The following HIVEP1 variants were observed in gnomAD, a reference collection of about 807,000 sequenced individuals.
HIVEP1 encodes HIVEP zinc finger 1, also known as zinc finger protein 40.
A neutral mutation model predicts 180.0 loss-of-function variants in HIVEP1; 36 were observed. The ratio of observed to expected loss-of-function variants is 0.20; its 90% CI spans 0.15 to 0.26. The LOEUF (loss-of-function observed/expected upper bound fraction) is 0.26, where lower values mean the gene tolerates loss of function less well. Ranked by LOEUF, HIVEP1 falls within the 10% of genes least tolerant of loss-of-function variation. The pLI is 1.00. For synonymous variants in HIVEP1, 1,239 were observed against 1,239.0 expected (o/e 1.00, Z 0.00); for missense variants, 3,143 against 3,268.7 (o/e 0.96, Z 0.94).
rs751180621 is a variant in HIVEP1, at chr6:12,123,583, C to T, written c.3788C>T (p.Pro1263Leu). The T allele has an allele frequency of 5.0e-6, 8 of 1,613,896 alleles. No homozygotes were observed. The highest frequency in any genetic ancestry group is 6.8e-6 in the Non-Finnish European group (8 of 1,180,016). Residue 1263 changes from proline (P) to leucine (L), a missense_variant, in exon 4 of 9, where the codon CCC (proline) becomes CTC (leucine). Physicochemically the swap from Pro to Leu is moderately conservative, Grantham distance 98. This residue lies in a region of HIVEP1 where 1,357 missense variants were observed against 1,260.5 expected (regional missense o/e 1.08). Transcript: ENST00000379388. ...DQEKSEKFSW[P>L]QRSETLSKLP... ...GAAAAGTCAGAGAAGTTCAGTTGGC[C>T]CCAGCGTAGTGAAACCTTGTCAAAA...
intron 3 of HIVEP1, among the ~76,000 whole-genome samples, chr6:12,104,755 C>G (rs11753592): frequency 2.0e-5 from 3 of 152,034 alleles, no homozygotes; most frequent in African/African-American, 4.8e-5. Flanking sequence ...TTCAGTTGTT[C>G]TAATCTAAAT....
chr6:12,162,539 G>C (rs1381338255), intron 8 of HIVEP1, among the ~76,000 whole-genome samples: 1 of 152,228 alleles, frequency 6.6e-6, no homozygotes, highest in Non-Finnish European at 1.5e-5. Flanking sequence ...CATGTGCTGT[G>C]AGTGAGTCCC....
At chr6:12,140,788 A>G (rs1430562044) in intron 7 of HIVEP1, among the ~76,000 whole-genome samples, 3 of 152,252 alleles carry the variant, frequency 2.0e-5, no homozygotes, top group Non-Finnish European at 2.9e-5. Context: ...GATCAAATTA[A>G]TGAAATAAAG....
chr6:12,137,848 C>T (rs1409201180), intron 7 of HIVEP1, among the ~76,000 whole-genome samples: 2 of 152,154 alleles, frequency 1.3e-5, no homozygotes, highest in Non-Finnish European at 2.9e-5. Context: ...GCTTTTAAAA[C>T]ATATTTGGAG....
chr6:12,203,923 A>C, the HIVEP1 span, among the ~76,000 whole-genome samples: 2 of 152,242 alleles, frequency 1.3e-5, no homozygotes, highest in Admixed American at 6.5e-5. Context: ...CTTAAAATAC[A>C]AAAATTAGCT....
intron 2 of HIVEP1, among the ~76,000 whole-genome samples, chr6:12,049,989 C>T (rs1232011845): frequency 6.6e-6 from 1 of 152,122 alleles, no homozygotes; most frequent in Non-Finnish European, 1.5e-5. Context: ...TATGGGCTCT[C>T]TGGAGCATAT....
intron 2 of HIVEP1, chr6:12,037,635 G>A (rs1215293777): frequency 5.1e-6 from 2 of 393,384 alleles, no homozygotes; most frequent in Non-Finnish European, 9.0e-6. Flanking sequence ...AGCAGTGAGT[G>A]TTTTCCTGTT....
chr6:12,173,777 T>A, the HIVEP1 span, among the ~76,000 whole-genome samples: 2 of 152,214 alleles, frequency 1.3e-5, no homozygotes, highest in African/African-American at 4.8e-5. Context: ...TATGTTTAGC[T>A]AGCTACCTAT....
intron 5 of HIVEP1, 53 bp from the exon 6 acceptor site, chr6:12,130,714 T>C (rs752048479): frequency 1.0e-6 from 1 of 994,438 alleles, no homozygotes; most frequent in Non-Finnish European, 1.5e-6. Context: ...CATCAATATT[T>C]TCTCAGAGGC....
intron 7 of HIVEP1, among the ~76,000 whole-genome samples, chr6:12,159,629 T>C (rs1172178931): frequency 6.6e-6 from 1 of 152,180 alleles, no homozygotes; most frequent in African/African-American, 2.4e-5. Context: ...GAGAAGTAGC[T>C]GAGGTGCAGG....
At chr6:12,079,982 C>CTATATT (rs1561920254) in intron 2 of HIVEP1, among the ~76,000 whole-genome samples, 89 of 131,950 alleles carry the variant, frequency 6.7e-4, no homozygotes, top group South Asian at 5.0e-3. Flanking sequence ...CTATCTATAT[C>CTATATT]TGGTCTTTGA....
Position 12,120,031 on chromosome 6 carries a change from CAGA to C in HIVEP1, c.240_242del (p.Glu81del). On this transcript the variant is annotated inframe_deletion, in exon 4 of 9. Coordinates refer to ENST00000379388, the MANE Select transcript of HIVEP1 (RefSeq NM_002114.4). ...CTTCAGGCAAAACATAAACAAAATA[CAGA>C]AGAGTCATCTTTCGCCGTTCTTCAT... 6.2e-7 allele frequency: 1 copy of C among 1,612,892 alleles called. No individual in the cohort carries two copies. The highest frequency in any genetic ancestry group is 8.5e-7 in the Non-Finnish European group (1 of 1,179,662).
chr6:12,193,604 G>A, the HIVEP1 span, among the ~76,000 whole-genome samples: 3 of 139,550 alleles, frequency 2.1e-5, no homozygotes, highest in Non-Finnish European at 3.2e-5. Context: ...TTATTAATGA[G>A]ATCAAACATC....
intron 2 of HIVEP1, among the ~76,000 whole-genome samples, chr6:12,048,919 C>A (rs961722689): frequency 6.6e-6 from 1 of 152,148 alleles, no homozygotes; most frequent in African/African-American, 2.4e-5. Flanking sequence ...CTACTGGGCA[C>A]ACTGGCTGCT....
rs750469158 is a variant in HIVEP1, at chr6:12,123,112, C to G, written c.3317C>G (p.Pro1106Arg). The G allele has an allele frequency of 6.2e-7, 1 of 1,614,112 alleles. No homozygotes were observed. Among genetic ancestry groups the G allele is most frequent in the Non-Finnish European group, 8.5e-7 (1 of 1,180,010 alleles). Reference sequence around the variant, plus strand: ...AGGGGCCCTGAGCAGACCATGGATCCCAAGCTGTCGACCATCATGGAACAA... The same window carrying G: ...AGGGGCCCTGAGCAGACCATGGATCGCAAGCTGTCGACCATCATGGAACAA... ...VARGPEQTMD[P>R]KLSTIMEQQI... The change falls in exon 4 of 9, where the codon CCC becomes CGC. Residue 1106 changes from proline (P) to arginine (R), a missense_variant. Pro to Arg is a moderately radical substitution (Grantham distance 103). Transcript: ENST00000379388.
Position 12,063,785 on chromosome 6 carries a change from A to G in HIVEP1, c.41-25399A>G, listed in dbSNP as rs7749026. Among the ~76,000 whole-genome samples the G allele has an allele frequency of 0.43, 65,409 of 151,998 alleles. 14,113 individuals are homozygous for G. The highest frequency in any genetic ancestry group is 0.5 in the African/African-American group (20,782 of 41,446). Reference sequence around the variant, plus strand: ...GCAAGACTGACTCTCCAACCAAGTGAAACCTCTTGTGTACCAGCTTCACCA... The same window carrying G: ...GCAAGACTGACTCTCCAACCAAGTGGAACCTCTTGTGTACCAGCTTCACCA... On this transcript the variant is annotated intron_variant, in intron 2 of 8. Coordinates refer to ENST00000379388, the MANE Select transcript of HIVEP1 (RefSeq NM_002114.4). The surrounding 1 kb of genome is among the most constrained non-coding windows in gnomAD (Gnocchi z 4.2).
intron 3 of HIVEP1, among the ~76,000 whole-genome samples, chr6:12,116,307 T>G (rs1775210236): frequency 6.6e-6 from 1 of 152,144 alleles, no homozygotes; most frequent in African/African-American, 2.4e-5. Flanking sequence ...GCCTTGGTTC[T>G]CGAGAGAAGG....
the HIVEP1 span, among the ~76,000 whole-genome samples, chr6:12,189,036 A>G: frequency 1.3e-5 from 2 of 152,002 alleles, no homozygotes; most frequent in African/African-American, 2.4e-5. Context: ...TGTTGAATGT[A>G]TACTTTGTGT....
chr6:12,084,338 A>G (rs992728707), intron 2 of HIVEP1, among the ~76,000 whole-genome samples: 1 of 152,162 alleles, frequency 6.6e-6, no homozygotes, highest in African/African-American at 2.4e-5. Context: ...CATTTTCAGC[A>G]TTATAACAGC....
Sources: gnomAD v4.1 joint callset for allele counts (sites outside exome capture counted in the v4.1 genomes callset) on GRCh38, gnomAD v4.1.1 for gene constraint, gnomAD v4.1.1 regional missense constraint, Gnocchi (gnomAD v3.1) non-coding constraint, MANE v1.5 for transcripts, NCBI Gene and HGNC (gene_info 2026-07-23, HGNC 2026-07-21) for gene names.